The following THSD7B variants were observed in gnomAD, a reference collection of about 807,000 sequenced individuals.
THSD7B encodes thrombospondin type-1 domain-containing protein 7B.
Under a neutral mutation model 213.6 loss-of-function variants are expected in THSD7B, and 138 were observed. That is an observed-to-expected ratio of 0.65 (90% CI 0.56 to 0.74). THSD7B has a LOEUF of 0.74. THSD7B is among the 30% of genes least tolerant of loss of function. THSD7B has a pLI of 0.00. For synonymous variants in THSD7B, 742 were observed against 687.0 expected, an observed-to-expected ratio of 1.08 and a Z score of -1.25; for missense variants, 1,931 against 1,991.5, an observed-to-expected ratio of 0.97 and a Z score of 0.58.
intron 1 of THSD7B, 86 bp downstream of exon 1, chr2:136,765,773 A>T (rs2361177): frequency 0.15 from 23,086 of 152,184 alleles, 2,024 homozygotes; most frequent in East Asian, 0.28. Context: ...GCGCCGGGGA[A>T]GGGGGCGCGC....
intron 21 of THSD7B, among the ~76,000 whole-genome samples, chr2:137,650,765 C>G (rs1438257901): frequency 6.6e-6 from 1 of 152,090 alleles, no homozygotes; most frequent in Non-Finnish European, 1.5e-5. Context: ...CCTTCTGTAT[C>G]TAATTTGTCA....
intron 2 of THSD7B, among the ~76,000 whole-genome samples, chr2:136,942,129 T>A (rs1684838338): frequency 6.6e-6 from 1 of 152,238 alleles, no homozygotes; most frequent in Non-Finnish European, 1.5e-5. Context: ...CTTGTTTTTG[T>A]CAGATTTGTC....
At chr2:136,820,874 A>G (rs1277646958) in intron 1 of THSD7B, among the ~76,000 whole-genome samples, 1 of 150,410 alleles carries the variant, frequency 6.6e-6, no homozygotes, top group East Asian at 2.0e-4. Context: ...TACTTGAGAG[A>G]GGGAGAGAGA....
At chr2:137,207,694 G>C (rs1180413575) in intron 7 of THSD7B, among the ~76,000 whole-genome samples, 1 of 152,062 alleles carries the variant, frequency 6.6e-6, no homozygotes, top group Non-Finnish European at 1.5e-5. Flanking sequence ...TCACTTAAGT[G>C]AATATTGGGC....
intron 12 of THSD7B, among the ~76,000 whole-genome samples, chr2:137,345,829 GA>G: frequency 6.6e-6 from 1 of 151,526 alleles, no homozygotes; most frequent in South Asian, 2.1e-4. Flanking sequence ...AAAAGGAAAA[GA>G]AAGGATAAGA....
intron 7 of THSD7B, among the ~76,000 whole-genome samples, chr2:137,205,364 A>G (rs1382153320): frequency 6.6e-6 from 1 of 152,114 alleles, no homozygotes; most frequent in Admixed American, 6.6e-5. Context: ...AATTTATAAG[A>G]AATTCTTCCA....
chr2:137,336,971 G>T (rs1684652213), intron 12 of THSD7B, among the ~76,000 whole-genome samples: 1 of 151,704 alleles, frequency 6.6e-6, no homozygotes, highest in South Asian at 2.1e-4. Context: ...CTACAAAATA[G>T]TTGCAAAATC....
intron 5 of THSD7B, among the ~76,000 whole-genome samples, chr2:137,153,548 A>G (rs1396966452): frequency 1.3e-5 from 2 of 152,196 alleles, no homozygotes; most frequent in Non-Finnish European, 2.9e-5. Flanking sequence ...TAAGCTGCCT[A>G]TAAGTTCTAG....
chr2:136,792,065 G>T (rs925499488), intron 1 of THSD7B, among the ~76,000 whole-genome samples: 1 of 151,930 alleles, frequency 6.6e-6, no homozygotes, highest in African/African-American at 2.4e-5. Flanking sequence ...TTATCCTACT[G>T]GGTATGAAGT....
chr2:137,596,904 T>A (rs1345527107), intron 17 of THSD7B, among the ~76,000 whole-genome samples: 1 of 152,058 alleles, frequency 6.6e-6, no homozygotes, highest in Non-Finnish European at 1.5e-5. Context: ...GATTATTATG[T>A]ATAACTGTAA....
chr2:137,224,320 A>G (rs1681448435), intron 7 of THSD7B, among the ~76,000 whole-genome samples: 1 of 152,218 alleles, frequency 6.6e-6, no homozygotes, highest in African/African-American at 2.4e-5. Context: ...GAGAGAATAG[A>G]ACGCTTGAGT....
At chr2:137,014,206 C>A (rs1270958095) in intron 2 of THSD7B, among the ~76,000 whole-genome samples, 3 of 152,152 alleles carry the variant, frequency 2.0e-5, no homozygotes, top group Non-Finnish European at 4.4e-5. Flanking sequence ...GCCAGCAACT[C>A]CTTCAGGATG....
chr2:137,393,931 A>G (rs1439891926), intron 12 of THSD7B, among the ~76,000 whole-genome samples: 1 of 138,710 alleles, frequency 7.2e-6, no homozygotes, highest in Non-Finnish European at 1.6e-5. Context: ...GCATTTTTTC[A>G]TATGTTTTTT....
At chr2:137,254,067 G>A (rs941105349) in intron 10 of THSD7B, among the ~76,000 whole-genome samples, 4 of 152,166 alleles carry the variant, frequency 2.6e-5, no homozygotes, top group African/African-American at 9.6e-5. Context: ...GAAATAGATT[G>A]CTCATGGTTT....
intron 12 of THSD7B, among the ~76,000 whole-genome samples, chr2:137,310,459 G>A (rs1057399272): frequency 6.8e-6 from 1 of 147,972 alleles, no homozygotes; most frequent in Non-Finnish European, 1.5e-5. Context: ...TAGGTTGCCT[G>A]TTCACTCTGA....
At chr2:137,439,707 G>C (rs887367249) in intron 14 of THSD7B, among the ~76,000 whole-genome samples, 2 of 152,110 alleles carry the variant, frequency 1.3e-5, no homozygotes, top group Non-Finnish European at 2.9e-5. Flanking sequence ...AATGTACTGT[G>C]AATTCATTCT....
At chr2:137,381,144 G>A (rs1685764687) in intron 12 of THSD7B, among the ~76,000 whole-genome samples, 1 of 152,190 alleles carries the variant, frequency 6.6e-6, no homozygotes, top group African/African-American at 2.4e-5. Context: ...CACCGATTCT[G>A]GGTCAGCCAT....
At chr2:137,411,123 A>G (rs1391955124) in intron 13 of THSD7B, among the ~76,000 whole-genome samples, 1 of 152,260 alleles carries the variant, frequency 6.6e-6, no homozygotes, top group African/African-American at 2.4e-5. Context: ...TATTGTTTGT[A>G]TAAATGTTTG....
At chr2:137,423,696 A>T (rs58004177) in intron 14 of THSD7B, among the ~76,000 whole-genome samples, 2 of 152,268 alleles carry the variant, frequency 1.3e-5, no homozygotes, top group East Asian at 3.9e-4. Flanking sequence ...ATGGATGATA[A>T]TTCTTAATAT....
Sources: allele counts gnomAD v4.1 joint callset (sites outside exome capture counted in the v4.1 genomes callset), GRCh38; gene constraint gnomAD v4.1.1; transcripts MANE v1.5; gene names NCBI Gene and HGNC (gene_info 2026-07-23, HGNC 2026-07-21).